Variants in SNX24 observed in about 807,000 individuals in gnomAD.
SNX24 encodes sorting nexin-24.
A neutral mutation model predicts 28.7 loss-of-function variants in SNX24; 22 were observed. The ratio of observed to expected loss-of-function variants is 0.77; its 90% CI spans 0.55 to 1.10. The LOEUF (loss-of-function observed/expected upper bound fraction) is 1.10, where lower values mean the gene tolerates loss of function less well. SNX24 is among the 50% of genes least tolerant of loss of function. The pLI is 0.00. For synonymous variants in SNX24, 69 were observed against 71.5 expected, an observed-to-expected ratio of 0.96 and a Z score of 0.18; for missense variants, 221 against 201.1, an observed-to-expected ratio of 1.10 and a Z score of -0.60.
chr5:122,988,904 C>T (rs1292452677), intron 3 of SNX24, among the ~76,000 whole-genome samples: 2 of 151,862 alleles, frequency 1.3e-5, no homozygotes, highest in Non-Finnish European at 2.9e-5. Flanking sequence ...TTTTCATATG[C>T]TATTATTTGT....
intron 3 of SNX24, among the ~76,000 whole-genome samples, chr5:122,983,677 C>T (rs1761480871): frequency 6.6e-6 from 1 of 152,174 alleles, no homozygotes. Flanking sequence ...GATCATAGCT[C>T]ACTGTAGCCT....
chr5:122,893,596 G>A (rs1417530485), intron 1 of SNX24, among the ~76,000 whole-genome samples: 1 of 151,978 alleles, frequency 6.6e-6, no homozygotes, highest in Non-Finnish European at 1.5e-5. Flanking sequence ...ATTTCATTTT[G>A]TATCTCTTTT....
At chr5:122,967,674 C>A (rs1760769721) in intron 3 of SNX24, among the ~76,000 whole-genome samples, 1 of 152,210 alleles carries the variant, frequency 6.6e-6, no homozygotes, top group Admixed American at 6.5e-5. Context: ...TTGATACGGG[C>A]ATCCCCACAA....
intron 3 of SNX24, among the ~76,000 whole-genome samples, chr5:122,985,239 C>G (rs1247002760): frequency 6.6e-6 from 1 of 152,030 alleles, no homozygotes; most frequent in Non-Finnish European, 1.5e-5. Context: ...TGACCTTTCA[C>G]CAGAGCTTGA....
chr5:122,953,730 T>G (rs1405356986), intron 3 of SNX24, among the ~76,000 whole-genome samples: 1 of 152,212 alleles, frequency 6.6e-6, no homozygotes, highest in African/African-American at 2.4e-5. Context: ...GAATTTATCT[T>G]TCTGAGAAAG....
At chr5:122,864,735 CAAAATATCT>C (rs1755643507) in intron 1 of SNX24, among the ~76,000 whole-genome samples, 1 of 152,188 alleles carries the variant, frequency 6.6e-6, no homozygotes, top group Non-Finnish European at 1.5e-5. Context: ...GCGGGGTCTG[CAAAATATCT>C]TAAGCACTGA....
intron 3 of SNX24, among the ~76,000 whole-genome samples, chr5:122,990,015 T>C (rs1436734598): frequency 1.3e-5 from 2 of 152,228 alleles, no homozygotes; most frequent in Admixed American, 6.5e-5. Context: ...ACAACTTCAT[T>C]GACTGTTTTT....
chr5:122,980,929 C>T (rs1761367801), intron 3 of SNX24, among the ~76,000 whole-genome samples: 1 of 152,004 alleles, frequency 6.6e-6, no homozygotes, highest in Admixed American at 6.6e-5. Context: ...ATTGCCGGTG[C>T]TCATGCTTTG....
chr5:122,976,108 G>A (rs1158647765), intron 3 of SNX24, among the ~76,000 whole-genome samples: 1 of 152,072 alleles, frequency 6.6e-6, no homozygotes, highest in African/African-American at 2.4e-5. Context: ...TCCAAAGAAT[G>A]CTTTAAATGT....
At chr5:122,956,577 T>G (rs1052250058) in intron 3 of SNX24, among the ~76,000 whole-genome samples, 7 of 152,336 alleles carry the variant, frequency 4.6e-5, no homozygotes, top group African/African-American at 1.7e-4. Context: ...CTTGATCATG[T>G]AATTCCATTC....
intron 1 of SNX24, among the ~76,000 whole-genome samples, chr5:122,876,166 T>C (rs899049303): frequency 2.0e-5 from 3 of 152,166 alleles, no homozygotes; most frequent in African/African-American, 7.2e-5. Context: ...CTTCAAGTGA[T>C]TTTCTTAGAT....
At chr5:122,877,004 T>C (rs1222217609) in intron 1 of SNX24, among the ~76,000 whole-genome samples, 2 of 152,090 alleles carry the variant, frequency 1.3e-5, no homozygotes, top group Non-Finnish European at 2.9e-5. Flanking sequence ...CAGAGCCACA[T>C]TGAGGAGGTC....
Position 122,865,465 on chromosome 5 carries a change from G to A in SNX24, c.60+19772G>A, listed in dbSNP as rs150434585. Among the ~76,000 whole-genome samples the A allele has an allele frequency of 4.3e-3, 649 of 152,162 alleles. 5 individuals are homozygous for A. Among genetic ancestry groups the A allele is most frequent in the African/African-American group, 0.015 (617 of 41,492 alleles). On this transcript the variant is annotated intron_variant, in intron 1 of 6. Coordinates refer to ENST00000261369, the MANE Select transcript of SNX24 (RefSeq NM_014035.4). ...CGTGCCTCAGCCTCCTGAGTAGCTG[G>A]GATTACAGGTGCACACCACCATGCC...
At chr5:122,847,727 C>G (rs1482541822) in intron 1 of SNX24, among the ~76,000 whole-genome samples, 1 of 152,116 alleles carries the variant, frequency 6.6e-6, no homozygotes, top group Admixed American at 6.5e-5. Flanking sequence ...CTCCTGTGCT[C>G]AAGCAAACCA....
At chr5:122,848,714 AAAAAAT>A (rs145959090) in intron 1 of SNX24, among the ~76,000 whole-genome samples, 93,353 of 150,672 alleles carry the variant, frequency 0.62, 29,827 homozygotes, top group African/African-American at 0.78. Context: ...ATCTCAAAAT[AAAAAAT>A]AAAAATAAAA....
chr5:122,864,377 A>C (rs2150045740), intron 1 of SNX24, among the ~76,000 whole-genome samples: 1 of 152,274 alleles, frequency 6.6e-6, no homozygotes, highest in East Asian at 1.9e-4. Flanking sequence ...AAAGGGAAGA[A>C]TTGTAACCGC....
chr5:122,953,794 T>A (rs1021362947), intron 3 of SNX24, among the ~76,000 whole-genome samples: 11 of 152,250 alleles, frequency 7.2e-5, no homozygotes, highest in Non-Finnish European at 1.5e-4. Context: ...TTTTTCTTTT[T>A]GTAAACAGTA....
chr5:122,850,160 G>C (rs1203036082), intron 1 of SNX24, among the ~76,000 whole-genome samples: 2 of 152,110 alleles, frequency 1.3e-5, no homozygotes, highest in African/African-American at 4.8e-5. Context: ...CAATCAACTG[G>C]GTAGTTTATA....
intron 1 of SNX24, among the ~76,000 whole-genome samples, chr5:122,885,330 AG>A (rs1343902842): frequency 6.6e-6 from 1 of 152,102 alleles, no homozygotes; most frequent in Non-Finnish European, 1.5e-5. Context: ...CCAATGAGGT[AG>A]GGTGAGGTGG....
Sources: gnomAD v4.1 joint callset for allele counts (sites outside exome capture counted in the v4.1 genomes callset) on GRCh38, gnomAD v4.1.1 for gene constraint, MANE v1.5 for transcripts, NCBI Gene and HGNC (gene_info 2026-07-23, HGNC 2026-07-21) for gene names.